Variants in DDR2 observed in about 807,000 individuals in gnomAD.
The protein encoded by DDR2 is discoidin domain receptor tyrosine kinase 2.
DDR2 carries 27 observed loss-of-function variants against 94.9 expected under a neutral mutation model. That is an observed-to-expected ratio of 0.28 (90% CI 0.21 to 0.39). The LOEUF (loss-of-function observed/expected upper bound fraction) is 0.39. Ranked by LOEUF, DDR2 falls within the 10% of genes least tolerant of loss-of-function variation. The probability of loss-of-function intolerance (pLI) is 1.00; values close to 1 mark genes in which losing one functional copy is unlikely to be tolerated. For synonymous variants in DDR2, 382 were observed against 377.2 expected (o/e 1.01, Z -0.15); for missense variants, 783 against 1,076.0 (o/e 0.73, Z 3.81).
At chr1:162,643,181 C>A (rs1273624627) in intron 1 of DDR2, among the ~76,000 whole-genome samples, 1 of 152,046 alleles carries the variant, frequency 6.6e-6, no homozygotes, top group Admixed American at 6.6e-5. Context: ...TTCTTCTGCC[C>A]CTCTCCTAGA....
intron 2 of DDR2, among the ~76,000 whole-genome samples, chr1:162,658,383 A>G (rs913543915): frequency 6.6e-6 from 1 of 152,326 alleles, no homozygotes; most frequent in East Asian, 1.9e-4. Flanking sequence ...ATGTTGCTGC[A>G]TAAACCTCGA....
In DDR2 at chr1:162,755,661, C is replaced by T. The variant is rs1313066809; in HGVS notation, c.566-3C>T. ...CACTCACTTGGCTGTGTTTCCTTTG[C>T]AGATGGCTTGGTGTCTTACAATGCT... On this transcript the variant is annotated splice_polypyrimidine_tract_variant and splice_region_variant and intron_variant, in intron 6 of 17. Coordinates refer to ENST00000367921, the MANE Select transcript of DDR2 (RefSeq NM_006182.4). 1 of 1,613,976 alleles carries T rather than the reference C, an allele frequency of 6.2e-7. No individual in the cohort carries two copies. Among genetic ancestry groups the T allele is most frequent in the East Asian group, 2.2e-5 (1 of 44,868 alleles).
intron 3 of DDR2, among the ~76,000 whole-genome samples, chr1:162,725,093 A>C (rs1176107913): frequency 6.6e-6 from 1 of 152,184 alleles, no homozygotes; most frequent in East Asian, 1.9e-4. Flanking sequence ...TGAACACTTA[A>C]TATATTCTGG....
chr1:162,733,897 G>A (rs886990796), intron 3 of DDR2, among the ~76,000 whole-genome samples: 42 of 152,170 alleles, frequency 2.8e-4, no homozygotes, highest in African/African-American at 9.9e-4. Context: ...CCCATACCAC[G>A]TTTTAGTATT....
At chr1:162,672,426 G>GT (rs1658902744) in intron 2 of DDR2, among the ~76,000 whole-genome samples, 1 of 151,972 alleles carries the variant, frequency 6.6e-6, no homozygotes, top group African/African-American at 2.4e-5. Context: ...TTTCTGAATA[G>GT]TTTTTTGCAA....
At chr1:162,762,468 T>C (rs1198493040) in intron 9 of DDR2, among the ~76,000 whole-genome samples, 1 of 152,262 alleles carries the variant, frequency 6.6e-6, no homozygotes, top group Non-Finnish European at 1.5e-5. Flanking sequence ...TTCTGGTTCC[T>C]CATGAACTTT....
intron 2 of DDR2, among the ~76,000 whole-genome samples, chr1:162,710,228 G>C (rs1660836473): frequency 6.6e-6 from 1 of 152,164 alleles, no homozygotes; most frequent in Non-Finnish European, 1.5e-5. Flanking sequence ...ATGGAGGGGA[G>C]CAAAGTAGTC....
intron 17 of DDR2, 121 bp from the exon 18 acceptor site, chr1:162,779,991 A>C: frequency 7.0e-7 from 1 of 1,436,512 alleles, no homozygotes; most frequent in Non-Finnish European, 9.7e-7. Flanking sequence ...TCAGTTATCA[A>C]GTTCAAGAAA....
At chr1:162,644,442 GTTA>G (rs2101893823) in intron 1 of DDR2, among the ~76,000 whole-genome samples, 1 of 152,252 alleles carries the variant, frequency 6.6e-6, no homozygotes, top group African/African-American at 2.4e-5. Flanking sequence ...TGATGATGAA[GTTA>G]TTATAGTTAC....
In DDR2 at chr1:162,776,179, A is replaced by G; in HGVS notation, c.2092A>G (p.Met698Val). 1 of 1,613,996 alleles carries G rather than the reference A, an allele frequency of 6.2e-7. No homozygotes were observed. The highest frequency in any genetic ancestry group is 8.5e-7 in the Non-Finnish European group (1 of 1,179,982). The part of the protein sequence containing the change: ...KFMATQIASG[M>V]KYLSSLNFVH... ...TATGGCTACCCAAATTGCCTCTGGCATGAAGTACCTTTCCTCTCTTAATTT... is the reference window on the plus strand; with the variant it reads ...TATGGCTACCCAAATTGCCTCTGGCGTGAAGTACCTTTCCTCTCTTAATTT... Residue 698 changes from methionine (M) to valine (V), a missense_variant, in exon 16 of 18, where the codon ATG becomes GTG. This residue lies in a region of DDR2 where 264 missense variants were observed against 428.2 expected (regional missense o/e 0.62). Coordinates refer to ENST00000367921, the MANE Select transcript of DDR2 (RefSeq NM_006182.4).
chr1:162,746,519 C>A (rs950392722), intron 3 of DDR2, among the ~76,000 whole-genome samples: 1 of 152,244 alleles, frequency 6.6e-6, no homozygotes, highest in African/African-American at 2.4e-5. Context: ...GCCTGCCTGC[C>A]TCTGTAGACG....
intron 2 of DDR2, among the ~76,000 whole-genome samples, chr1:162,718,450 C>T (rs1235005713): frequency 6.6e-6 from 1 of 152,080 alleles, no homozygotes; most frequent in Non-Finnish European, 1.5e-5. Context: ...ATAAATATTT[C>T]CATATGTAAC....
chr1:162,768,020 C>A (rs1163092257), intron 11 of DDR2, among the ~76,000 whole-genome samples: 1 of 152,124 alleles, frequency 6.6e-6, no homozygotes, highest in Non-Finnish European at 1.5e-5. Flanking sequence ...TTTCCTCATG[C>A]ATAATTTTAT....
At chr1:162,720,486 G>A (rs1661371445) in intron 3 of DDR2, among the ~76,000 whole-genome samples, 1 of 152,130 alleles carries the variant, frequency 6.6e-6, no homozygotes, top group Non-Finnish European at 1.5e-5. Flanking sequence ...GTTGCATGCA[G>A]TTGTCAACTA....
chr1:162,714,837 C>T (rs1402624517), intron 2 of DDR2, among the ~76,000 whole-genome samples: 2 of 152,202 alleles, frequency 1.3e-5, no homozygotes, highest in African/African-American at 4.8e-5. Context: ...AAAATAGTTG[C>T]TGAATGAATG....
At chr1:162,729,306 T>TACA (rs1661899920) in intron 3 of DDR2, among the ~76,000 whole-genome samples, 1 of 77,886 alleles carries the variant, frequency 1.3e-5, no homozygotes, top group Non-Finnish European at 2.9e-5. Context: ...ATATATTTTT[T>TACA]TTTTTTTTTT....
intron 3 of DDR2, among the ~76,000 whole-genome samples, chr1:162,735,321 A>C (rs1320623906): frequency 6.6e-6 from 1 of 152,166 alleles, no homozygotes. Context: ...GAGCGCTGAC[A>C]TGTGTAACAA....
chr1:162,667,482 C>A (rs959939451), intron 2 of DDR2, among the ~76,000 whole-genome samples: 1 of 152,134 alleles, frequency 6.6e-6, no homozygotes, highest in Non-Finnish European at 1.5e-5. Flanking sequence ...GAAACCTTTA[C>A]AACCAGGCAG....
chr1:162,765,706 A>T (rs1663958590), intron 9 of DDR2, among the ~76,000 whole-genome samples: 1 of 150,532 alleles, frequency 6.6e-6, no homozygotes, highest in South Asian at 2.1e-4. Context: ...CCTGCTTCTT[A>T]TGCTTTATGA....
Sources: gnomAD v4.1 joint callset for allele counts (sites outside exome capture counted in the v4.1 genomes callset) on GRCh38, gnomAD v4.1.1 for gene constraint, gnomAD v4.1.1 regional missense constraint, MANE v1.5 for transcripts, NCBI Gene and HGNC (gene_info 2026-07-23, HGNC 2026-07-21) for gene names.